Variants in HTRA3 observed in about 807,000 individuals in gnomAD.
HTRA3 encodes HtrA serine peptidase 3.
HTRA3 carries 41 observed loss-of-function variants against 43.2 expected under a neutral mutation model. The observed-to-expected ratio is 0.95, with a 90% CI of 0.74 to 1.23. HTRA3 has a LOEUF of 1.23. Ranked by LOEUF, HTRA3 falls within the 50% of genes most tolerant of loss-of-function variation. HTRA3 has a pLI of 0.00. For synonymous variants in HTRA3, 295 were observed against 287.9 expected (o/e 1.02, Z -0.25); for missense variants, 628 against 647.1 (o/e 0.97, Z 0.32).
rs770862069 is a variant in HTRA3, at chr4:8,286,748, A to C, written c.673A>C (p.Lys225Gln). ...GGCCACCATCAAAGACATCGACAAG[A>C]AGTCGGACATTGCCACCATCAAGAT... The part of the protein sequence containing the change: ...YEATIKDIDK[K>Q]SDIATIKIHP... Residue 225 changes from lysine (K) to glutamine (Q), a missense_variant, in exon 3 of 9, where the codon AAG becomes CAG. Transcript: ENST00000307358. The surrounding 1 kb of genome is among the most constrained non-coding windows in gnomAD (Gnocchi z 4.9). 6 of 1,613,934 alleles carry C rather than the reference A, an allele frequency of 3.7e-6. No individual in the cohort carries two copies. The highest frequency in any genetic ancestry group is 5.1e-6 in the Non-Finnish European group (6 of 1,180,000).
chr4:8,271,214 A>G (rs1712259132), intron 1 of HTRA3, among the ~76,000 whole-genome samples: 1 of 125,510 alleles, frequency 8.0e-6, no homozygotes, highest in African/African-American at 4.1e-5. Flanking sequence ...GGAAGCCTGC[A>G]GAGGGCTTCC....
At chr4:8,302,573 C>G in intron 7 of HTRA3, 62 bp downstream of exon 7, 1 of 1,518,470 alleles carries the variant, frequency 6.6e-7, no homozygotes, top group South Asian at 1.1e-5. Context: ...CCCTGACCCT[C>G]CCTCCAGACC....
At chr4:8,300,297 G>C (rs1328527729) in intron 6 of HTRA3, among the ~76,000 whole-genome samples, 2 of 152,190 alleles carry the variant, frequency 1.3e-5, no homozygotes, top group African/African-American at 4.8e-5. Flanking sequence ...GGAGGAGTTT[G>C]TATAGAATTA....
rs560100961 is a variant in HTRA3, at chr4:8,279,913, C to G, written c.386-2524C>G. Among the ~76,000 whole-genome samples the G allele has an allele frequency of 1.3e-5, 2 of 152,344 alleles. No homozygotes were observed. Among genetic ancestry groups the G allele is most frequent in the African/African-American group, 4.8e-5 (2 of 41,580 alleles). On this transcript the variant is annotated intron_variant, in intron 1 of 8. Transcript: ENST00000307358. The surrounding 1 kb of genome is among the most constrained non-coding windows in gnomAD (Gnocchi z 7.4). ...TTGACCCTTGCCCCCAGCTGAACCA[C>G]TGTGTCTCCAGCAGCTGTCACAGGT...
At chr4:8,282,580 T>C (rs761020565) in intron 2 of HTRA3, 44 bp downstream of exon 2, 1 of 1,424,986 alleles carries the variant, frequency 7.0e-7, no homozygotes, top group East Asian at 2.3e-5. Flanking sequence ...TGGTGTCCCC[T>C]GGTACACCCG....
chr4:8,288,992 C>T (rs1371394635), intron 3 of HTRA3, among the ~76,000 whole-genome samples: 2 of 150,276 alleles, frequency 1.3e-5, no homozygotes, highest in East Asian at 1.9e-4. Flanking sequence ...CTCTGTTGCC[C>T]AGGCTGGAGT....
chr4:8,288,464 G>A lies in HTRA3; in HGVS notation c.708+1681G>A, dbSNP rs552064801. Among the ~76,000 whole-genome samples the A allele has an allele frequency of 3.3e-5, 5 of 152,106 alleles. No homozygotes were observed. The South Asian group carries it at 8.3e-4, about 25-fold the overall frequency. ...ATTTTTTTGTATTTTTAGTAGAGAC[G>A]GGGTTTCTCCATGTTGGTCAGGCTG... is the stretch of plus-strand genomic sequence containing the variant. On this transcript the variant is annotated intron_variant, in intron 3 of 8. Transcript: ENST00000307358.
Position 8,306,139 on chromosome 4 carries a change from G to C in HTRA3, c.*3G>C, listed in dbSNP as rs1289602210. On this transcript the variant is annotated 3_prime_UTR_variant, in exon 9 of 9. Coordinates refer to ENST00000307358, the MANE Select transcript of HTRA3 (RefSeq NM_053044.5). The surrounding 1 kb of genome is among the most constrained non-coding windows in gnomAD (Gnocchi z 8.9). ...TCGCACCTGAGGTGGTCATGTGAGG[G>C]GCGCATTCCTCCAGCGCCAAGCGTC... 1 of 1,567,948 alleles carries C rather than the reference G, an allele frequency of 6.4e-7. No homozygotes were observed. Among genetic ancestry groups the C allele is most frequent in the Non-Finnish European group, 8.7e-7 (1 of 1,151,892 alleles).
At position 8,286,513 on chromosome 4, in the gene HTRA3, G is replaced by T. The variant is rs757071965; in HGVS notation, c.486-48G>T. ...CCCCACCACTGCGCCTGACTCCCCC[G>T]CGTCCTAGCCCCACCCTAAATGCCC... On this transcript the variant is annotated intron_variant, in intron 2 of 8. Coordinates refer to ENST00000307358, the MANE Select transcript of HTRA3 (RefSeq NM_053044.5). The surrounding 1 kb of genome is among the most constrained non-coding windows in gnomAD (Gnocchi z 4.9). 3.2e-5 allele frequency: 49 copies of T among 1,530,478 alleles called. No individual in the cohort carries two copies. In the East Asian group the frequency reaches 8.6e-4, roughly 27 times the overall value. The allele number at this position is 1,530,478 out of a possible 1,614,324, so 94.8% of individuals were successfully genotyped here.
In HTRA3 at chr4:8,270,289, C is replaced by T. The variant is rs773315948; in HGVS notation, c.321C>T (p.Ser107=). 1.5e-4 allele frequency: 228 copies of T among 1,480,944 alleles called. 1 individual carries two copies. The African/African-American group carries it at 3.1e-3, about 20-fold the overall frequency. 91.7% of individuals were successfully genotyped at this position (1,480,944 alleles called of 1,614,324 possible). A position where few individuals can be genotyped will look rare whatever the true frequency, so the allele number is the denominator to read the frequency against. ...YANVCALQAA[S]RRALQLSGTP... ...ACGTGTGCGCGCTGCAGGCGGCCAGCCGCCGCGCGCTGCAGCTCTCCGGGA... is the reference window on the plus strand; with the variant it reads ...ACGTGTGCGCGCTGCAGGCGGCCAGTCGCCGCGCGCTGCAGCTCTCCGGGA... The change falls in exon 1 of 9, where the codon AGC becomes AGT. Residue 107 remains serine, a synonymous_variant. Coordinates refer to ENST00000307358, the MANE Select transcript of HTRA3 (RefSeq NM_053044.5).
At chr4:8,300,307 A>C (rs1713591224) in intron 6 of HTRA3, among the ~76,000 whole-genome samples, 1 of 152,228 alleles carries the variant, frequency 6.6e-6, no homozygotes, top group South Asian at 2.1e-4. Flanking sequence ...GTATAGAATT[A>C]GTACTATTTC....
intron 3 of HTRA3, 86 bp from the exon 4 acceptor site, chr4:8,291,284 A>G: frequency 8.4e-7 from 1 of 1,193,070 alleles, no homozygotes; most frequent in Non-Finnish European, 1.2e-6. Context: ...CTTCCCTGGG[A>G]CCCCCCTGCC....
chr4:8,280,089 A>G (rs533507530), intron 1 of HTRA3, among the ~76,000 whole-genome samples: 1 of 152,292 alleles, frequency 6.6e-6, no homozygotes, highest in South Asian at 2.1e-4. Context: ...TAGGGAGAGT[A>G]GAGAGAGGTC....
intron 2 of HTRA3, among the ~76,000 whole-genome samples, chr4:8,283,967 C>T (rs7670516): frequency 0.59 from 90,155 of 152,100 alleles, 27,195 homozygotes; most frequent in East Asian, 0.81. Context: ...CCCCTCTGCC[C>T]TCCCCATCCC....
At chr4:8,298,494 A>C (rs939751758) in intron 6 of HTRA3, among the ~76,000 whole-genome samples, 2 of 149,318 alleles carry the variant, frequency 1.3e-5, no homozygotes, top group East Asian at 4.0e-4. Context: ...AAAGAGCAGA[A>C]GTTTTGTAAA....
intron 8 of HTRA3, 40 bp from the exon 9 acceptor site, chr4:8,305,931 G>T: frequency 6.2e-7 from 1 of 1,610,680 alleles, no homozygotes; most frequent in Non-Finnish European, 8.5e-7. Flanking sequence ...GCTGTGCCTG[G>T]GGAGGCGGTG....
intron 1 of HTRA3, among the ~76,000 whole-genome samples, chr4:8,278,067 C>T (rs767098241): frequency 2.6e-5 from 4 of 152,306 alleles, no homozygotes; most frequent in Admixed American, 6.5e-5. Context: ...CCTGGAGTTA[C>T]GCAGTGTACA....
intron 1 of HTRA3, among the ~76,000 whole-genome samples, chr4:8,280,232 G>C (rs1321064099): frequency 6.6e-6 from 1 of 152,146 alleles, no homozygotes; most frequent in Non-Finnish European, 1.5e-5. Flanking sequence ...TTCTCCTCAG[G>C]CGAGGCACAT....
intron 2 of HTRA3, 35 bp downstream of exon 2, chr4:8,282,571 G>A: frequency 6.7e-7 from 1 of 1,498,866 alleles, no homozygotes; most frequent in South Asian, 1.1e-5. Context: ...TCTGCCTCCT[G>A]GTGTCCCCTG....
Sources: allele counts gnomAD v4.1 joint callset (sites outside exome capture counted in the v4.1 genomes callset), GRCh38; gene constraint gnomAD v4.1.1; non-coding constraint Gnocchi (gnomAD v3.1); transcripts MANE v1.5; gene names NCBI Gene and HGNC (gene_info 2026-07-23, HGNC 2026-07-21).